Variants in EDIL3 observed in about 807,000 individuals in gnomAD.
EDIL3 encodes EGF like and discoidin domains 3, also known as EGF-like repeat and discoidin I-like domain-containing protein 3.
In EDIL3, 37 loss-of-function variants were observed where a neutral mutation model predicts 67.4. That is an observed-to-expected ratio of 0.55 (90% CI 0.42 to 0.72). The LOEUF (loss-of-function observed/expected upper bound fraction) is 0.72, where lower values mean the gene tolerates loss of function less well. Ranked by LOEUF, EDIL3 falls within the 30% of genes least tolerant of loss-of-function variation. The pLI, the probability that EDIL3 is intolerant of heterozygous loss-of-function variation, is 0.00. For missense variants in EDIL3, 527 were observed against 586.3 expected (o/e 0.90, Z 1.04); for synonymous variants, 195 against 196.3 (o/e 0.99, Z 0.05).
chr5:84,006,915 A>T (rs536372320), intron 9 of EDIL3, among the ~76,000 whole-genome samples: 1 of 147,842 alleles, frequency 6.8e-6, no homozygotes, highest in Non-Finnish European at 1.5e-5. Flanking sequence ...TAACCACAAC[A>T]TCATGGTACT....
intron 9 of EDIL3, among the ~76,000 whole-genome samples, chr5:84,014,361 G>A (rs1745564168): frequency 6.6e-6 from 1 of 152,108 alleles, no homozygotes. Flanking sequence ...AAAAGTCTTT[G>A]ATCTGCTGGG....
intron 1 of EDIL3, among the ~76,000 whole-genome samples, chr5:84,274,444 C>G (rs967718070): frequency 1.3e-5 from 2 of 152,086 alleles, no homozygotes; most frequent in African/African-American, 4.8e-5. Flanking sequence ...TTTAACCTCT[C>G]TATGGTCACT....
At chr5:84,033,212 G>T (rs994694083) in intron 9 of EDIL3, among the ~76,000 whole-genome samples, 4 of 152,138 alleles carry the variant, frequency 2.6e-5, no homozygotes, top group Non-Finnish European at 5.9e-5. Context: ...ATGTTGCATG[G>T]CTCTGCCTCT....
intron 6 of EDIL3, among the ~76,000 whole-genome samples, chr5:84,099,240 G>C (rs1332880213): frequency 6.6e-6 from 1 of 152,072 alleles, no homozygotes; most frequent in Non-Finnish European, 1.5e-5. Context: ...CACAGAATTA[G>C]AATAAACAAC....
At chr5:84,257,239 C>T (rs976432513) in intron 1 of EDIL3, among the ~76,000 whole-genome samples, 2 of 152,072 alleles carry the variant, frequency 1.3e-5, no homozygotes, top group South Asian at 2.1e-4. Flanking sequence ...AATGCTAAAT[C>T]GAGTCAATTT....
Position 84,086,334 on chromosome 5 carries a change from A to G in EDIL3, c.652-19728T>C, listed in dbSNP as rs1414358146. ...ATCTCCTGATCTGCGGATTGCAAAA[A>G]TCCGTGGGAAAAGCGTAGTACCCAG... On this transcript the variant is annotated intron_variant, in intron 6 of 10. Coordinates refer to ENST00000296591, the MANE Select transcript of EDIL3 (RefSeq NM_005711.5). Among the ~76,000 whole-genome samples the G allele has an allele frequency of 2.6e-5, 4 of 152,260 alleles. No homozygotes were observed. The East Asian group carries it at 7.7e-4, about 29-fold the overall frequency.
intron 9 of EDIL3, among the ~76,000 whole-genome samples, chr5:83,981,329 C>T (rs1387162286): frequency 1.3e-5 from 2 of 151,948 alleles, no homozygotes; most frequent in Admixed American, 6.6e-5. Flanking sequence ...CATGTGTATA[C>T]ATACTTGGAA....
rs1008172581 is a variant in EDIL3, at chr5:84,371,341, A to ATATATATATATATG, written c.67+12966_67+12967insCATATATATATATA. Among the ~76,000 whole-genome samples the ATATATATATATATG allele has an allele frequency of 2.2e-3, 286 of 129,682 alleles. 8 individuals carry two copies. The highest frequency in any genetic ancestry group is 4.0e-3 in the Non-Finnish European group (233 of 58,832). 85.1% of individuals were successfully genotyped at this position (129,682 alleles called of 152,430 possible). On this transcript the variant is annotated intron_variant, in intron 1 of 10. Transcript: ENST00000296591. ...AAAGTATATATATATATATATATAT[A>ATATATATATATATG]TGTGTGTGTGTATATATATGTGTGT...
chr5:83,971,347 G>A (rs1164662547), intron 9 of EDIL3, among the ~76,000 whole-genome samples: 3 of 150,760 alleles, frequency 2.0e-5, no homozygotes, highest in East Asian at 3.9e-4. Flanking sequence ...CATGATCATA[G>A]GTCATTGCAG....
chr5:84,059,953 G>A (rs896242978), intron 9 of EDIL3, among the ~76,000 whole-genome samples: 3 of 152,120 alleles, frequency 2.0e-5, no homozygotes, highest in Non-Finnish European at 2.9e-5. Context: ...ATGCCCTTTG[G>A]ATTCTTGCTG....
chr5:84,325,327 C>A (rs1746736120), intron 1 of EDIL3, among the ~76,000 whole-genome samples: 1 of 151,780 alleles, frequency 6.6e-6, no homozygotes, highest in Non-Finnish European at 1.5e-5. Flanking sequence ...AGCAAATGAT[C>A]TGGGTAGACA....
At chr5:84,209,657 CTCTT>C (rs749071292) in intron 3 of EDIL3, among the ~76,000 whole-genome samples, 5 of 151,792 alleles carry the variant, frequency 3.3e-5, no homozygotes, top group Non-Finnish European at 4.4e-5. Flanking sequence ...AAAAACTTGA[CTCTT>C]TCACGACAGA....
At chr5:84,204,973 C>T (rs536994437) in intron 3 of EDIL3, among the ~76,000 whole-genome samples, 24 of 152,112 alleles carry the variant, frequency 1.6e-4, no homozygotes, top group African/African-American at 2.4e-4. Context: ...AGTGCAGTGA[C>T]GCAATCACAG....
chr5:84,143,848 C>A (rs1268827732), intron 4 of EDIL3, among the ~76,000 whole-genome samples: 1 of 151,958 alleles, frequency 6.6e-6, no homozygotes, highest in Admixed American at 6.6e-5. Flanking sequence ...ACCTCAGTGG[C>A]ATGTAGCATA....
At chr5:84,328,867 G>C (rs1746817970) in intron 1 of EDIL3, among the ~76,000 whole-genome samples, 1 of 152,012 alleles carries the variant, frequency 6.6e-6, no homozygotes, top group Non-Finnish European at 1.5e-5. Context: ...ACAAACGCTT[G>C]CAATTTTTCT....
chr5:84,194,497 T>G (rs1743658487), intron 3 of EDIL3, among the ~76,000 whole-genome samples: 2 of 151,926 alleles, frequency 1.3e-5, no homozygotes, highest in Admixed American at 6.6e-5. Flanking sequence ...AACTTCTCTG[T>G]ATGCTTTCTA....
At chr5:84,213,072 C>T (rs564636660) in intron 3 of EDIL3, among the ~76,000 whole-genome samples, 60 of 151,842 alleles carry the variant, frequency 4.0e-4, no homozygotes, top group African/African-American at 1.3e-3. Context: ...CTTCTAACAG[C>T]TCTATAAATT....
intron 1 of EDIL3, among the ~76,000 whole-genome samples, chr5:84,371,354 T>C (rs1271099627): frequency 6.8e-6 from 1 of 146,816 alleles, no homozygotes; most frequent in African/African-American, 2.5e-5. Flanking sequence ...TGTGTGTGTA[T>C]ATATATGTGT....
At chr5:84,329,896 G>A (rs1746837115) in intron 1 of EDIL3, among the ~76,000 whole-genome samples, 1 of 152,094 alleles carries the variant, frequency 6.6e-6, no homozygotes, top group East Asian at 1.9e-4. Flanking sequence ...AGAATTATCA[G>A]GCAACCTGTC....
Sources: allele counts gnomAD v4.1 joint callset (sites outside exome capture counted in the v4.1 genomes callset), GRCh38; gene constraint gnomAD v4.1.1; transcripts MANE v1.5; gene names NCBI Gene and HGNC (gene_info 2026-07-23, HGNC 2026-07-21).